Variants in PPP4R2 observed in about 807,000 individuals in gnomAD.
The protein encoded by PPP4R2 is protein phosphatase 4 regulatory subunit 2, also known as serine/threonine-protein phosphatase 4 regulatory subunit 2.
Under a neutral mutation model 47.2 loss-of-function variants are expected in PPP4R2, and 13 were observed. That is an observed-to-expected ratio of 0.28 (90% CI 0.18 to 0.44). The LOEUF is 0.44. PPP4R2 is among the 20% of genes least tolerant of loss of function. The pLI is 1.00. For synonymous variants in PPP4R2, 151 were observed against 163.3 expected, an observed-to-expected ratio of 0.92 and a Z score of 0.57; for missense variants, 421 against 491.2, an observed-to-expected ratio of 0.86 and a Z score of 1.35.
At chr3:73,007,297 A>C (rs1216762233) in intron 2 of PPP4R2, among the ~76,000 whole-genome samples, 1 of 152,018 alleles carries the variant, frequency 6.6e-6, no homozygotes, top group Non-Finnish European at 1.5e-5. Flanking sequence ...CTACAGTTTG[A>C]AGTTCTTTGT....
chr3:73,028,349 A>G (rs925800793), intron 2 of PPP4R2, among the ~76,000 whole-genome samples: 13 of 150,940 alleles, frequency 8.6e-5, no homozygotes, highest in African/African-American at 2.9e-4. Flanking sequence ...AGGTAGTTGG[A>G]ATTTTAAATA....
At chr3:73,021,238 TTTTTTTTTTTTTG>T (rs1701954001) in intron 2 of PPP4R2, among the ~76,000 whole-genome samples, 71 of 115,420 alleles carry the variant, frequency 6.2e-4, no homozygotes, top group Admixed American at 5.7e-3. Context: ...AAAAAATTTT[TTTTTTTTTTTTTG>T]TAACAGGATC....
intron 2 of PPP4R2, among the ~76,000 whole-genome samples, chr3:73,021,224 TA>T (rs35425751): frequency 0.44 from 64,919 of 146,532 alleles, 14,374 homozygotes; most frequent in South Asian, 0.58. Flanking sequence ...TTTATTTCAT[TA>T]AAAAAAAATT....
chr3:73,048,457 T>C (rs993082497), intron 3 of PPP4R2, among the ~76,000 whole-genome samples: 4 of 152,048 alleles, frequency 2.6e-5, no homozygotes, highest in African/African-American at 9.7e-5. Flanking sequence ...GGTTTCACCA[T>C]GCTGGCCAGG....
intron 2 of PPP4R2, among the ~76,000 whole-genome samples, chr3:73,021,165 CAT>C (rs1701951599): frequency 6.6e-6 from 1 of 151,566 alleles, no homozygotes. Flanking sequence ...TAAGTGAACT[CAT>C]ATAGCTCACT....
Position 72,996,989 on chromosome 3 carries a change from CAA to C in PPP4R2, c.-48_-47del. 1 of 1,337,100 alleles carries C rather than the reference CAA, an allele frequency of 7.5e-7. No homozygotes were observed. Among genetic ancestry groups the C allele is most frequent in the Non-Finnish European group, 9.7e-7 (1 of 1,026,458 alleles). The allele number at this position is 1,337,100 out of a possible 1,614,324, so 82.8% of individuals were successfully genotyped here. A position where few individuals can be genotyped will look rare whatever the true frequency, so the allele number is the denominator to read the frequency against. ...GGGTGGGGGGAGGCGTTCCGGTCCC[CAA>C]GAGACCCGCGGAGGGAGGCGGAGGC... On this transcript the variant is annotated 5_prime_UTR_variant, in exon 1 of 9. Transcript: ENST00000356692.
intron 2 of PPP4R2, among the ~76,000 whole-genome samples, chr3:73,021,087 G>A (rs944430761): frequency 1.3e-5 from 2 of 152,060 alleles, no homozygotes; most frequent in African/African-American, 4.8e-5. Context: ...TTAAATTCAG[G>A]TATGGATTGC....
intron 5 of PPP4R2, chr3:73,062,806 G>A: frequency 6.2e-7 from 1 of 1,613,926 alleles, no homozygotes; most frequent in Non-Finnish European, 8.5e-7. Context: ...GCCATAGGTT[G>A]GATCAGCTCA....
At chr3:73,065,277 A>G in intron 8 of PPP4R2, 120 bp from the exon 9 acceptor site, 1 of 1,283,902 alleles carries the variant, frequency 7.8e-7, no homozygotes, top group South Asian at 1.6e-5. Context: ...ACCTGTATGT[A>G]GTTGCTGCTG....
intron 2 of PPP4R2, among the ~76,000 whole-genome samples, chr3:73,042,184 G>A (rs914402149): frequency 6.6e-6 from 1 of 152,086 alleles, no homozygotes; most frequent in Non-Finnish European, 1.5e-5. Context: ...AGTTGAAAAT[G>A]TGTTTATGTC....
intron 2 of PPP4R2, among the ~76,000 whole-genome samples, chr3:73,036,456 A>G (rs1169359545): frequency 8.5e-5 from 13 of 152,264 alleles, no homozygotes; most frequent in Non-Finnish European, 2.9e-5. Context: ...GATTTGACCA[A>G]TACACGTTGC....
Position 73,065,790 on chromosome 3 carries a change from G to T in PPP4R2, c.*68G>T. The T allele has an allele frequency of 2.7e-6, 3 of 1,101,180 alleles. No homozygotes were observed. The highest frequency in any genetic ancestry group is 3.8e-6 in the Non-Finnish European group (3 of 783,278). 68.2% of individuals were successfully genotyped at this position (1,101,180 alleles called of 1,614,324 possible). A position where few individuals can be genotyped will look rare whatever the true frequency, so the allele number is the denominator to read the frequency against. On this transcript the variant is annotated 3_prime_UTR_variant, in exon 9 of 9. Coordinates refer to ENST00000356692, the MANE Select transcript of PPP4R2 (RefSeq NM_174907.4). Reference sequence around the variant, plus strand: ...GGTTTTAACACTGTATAAAACTTTTGTGTAATAAAATGGACCTTTAGTTTT... The same window carrying T: ...GGTTTTAACACTGTATAAAACTTTTTTGTAATAAAATGGACCTTTAGTTTT...
rs1205891692 is a variant in PPP4R2 at position 73,046,732 on chromosome 3, T to G, written c.117-454T>G. On this transcript the variant is annotated intron_variant, in intron 2 of 8. Coordinates refer to ENST00000356692, the MANE Select transcript of PPP4R2 (RefSeq NM_174907.4). ...AAAAAAAAGGAGAAAGTAAAGTTTA[T>G]TTTGTTATTTAGTAGATAATAGACA... is the stretch of plus-strand genomic sequence containing the variant. 2.6e-5 allele frequency among the ~76,000 whole-genome samples: 4 copies of G among 152,206 alleles called. No homozygotes were observed. The East Asian group carries it at 7.7e-4, about 29-fold the overall frequency.
At chr3:73,005,631 C>A (rs187448625) in intron 2 of PPP4R2, among the ~76,000 whole-genome samples, 122 of 151,870 alleles carry the variant, frequency 8.0e-4, no homozygotes, top group African/African-American at 2.8e-3. Context: ...GGCGGATCAC[C>A]TGAGGTCGGG....
At chr3:73,024,440 A>G (rs1359398024) in intron 2 of PPP4R2, among the ~76,000 whole-genome samples, 1 of 152,196 alleles carries the variant, frequency 6.6e-6, no homozygotes, top group African/African-American at 2.4e-5. Context: ...GAACCAAACT[A>G]AAACCTAAAT....
intron 2 of PPP4R2, among the ~76,000 whole-genome samples, chr3:73,026,177 T>C (rs1702059668): frequency 6.6e-6 from 1 of 152,202 alleles, no homozygotes; most frequent in African/African-American, 2.4e-5. Flanking sequence ...TAAATAATTG[T>C]AGCTCTATTT....
chr3:73,023,063 A>G (rs1701991664), intron 2 of PPP4R2, among the ~76,000 whole-genome samples: 1 of 152,154 alleles, frequency 6.6e-6, no homozygotes, highest in Non-Finnish European at 1.5e-5. Flanking sequence ...TTTGTGGGTA[A>G]AATTGCATCC....
At chr3:73,003,104 A>G (rs1242860889) in intron 2 of PPP4R2, among the ~76,000 whole-genome samples, 1 of 134,510 alleles carries the variant, frequency 7.4e-6, no homozygotes, top group Non-Finnish European at 1.6e-5. Flanking sequence ...CAATATAATT[A>G]CTAGGAATGT....
At chr3:73,049,326 G>A (rs1054516360) in intron 3 of PPP4R2, among the ~76,000 whole-genome samples, 21 of 151,982 alleles carry the variant, frequency 1.4e-4, no homozygotes, top group Admixed American at 9.2e-4. Context: ...GTGAAACCCC[G>A]TCTCTACTAA....
Sources: gnomAD v4.1 joint callset for allele counts (sites outside exome capture counted in the v4.1 genomes callset) on GRCh38, gnomAD v4.1.1 for gene constraint, MANE v1.5 for transcripts, NCBI Gene and HGNC (gene_info 2026-07-23, HGNC 2026-07-21) for gene names.